DST: variants seen among roughly 807,000 people sequenced by gnomAD.
DST encodes the protein dystonin.
DST carries 253 observed loss-of-function variants against 875.2 expected under a neutral mutation model. The observed-to-expected ratio is 0.29, with a 90% CI of 0.26 to 0.32. The LOEUF (loss-of-function observed/expected upper bound fraction) is 0.32, where lower values mean the gene tolerates loss of function less well. DST is among the 10% of genes least tolerant of loss of function. The pLI, the probability that DST is intolerant of heterozygous loss-of-function variation, is 1.00. For synonymous variants in DST, 3,124 were observed against 3,197.1 expected (o/e 0.98, Z 0.77); for missense variants, 8,287 against 9,111.6 (o/e 0.91, Z 3.68).
intron 29 of DST, 90 bp from the exon 30 acceptor site, chr6:56,631,479 TA>T: frequency 9.9e-7 from 1 of 1,011,828 alleles, no homozygotes; most frequent in East Asian, 2.5e-5. Flanking sequence ...CATTTCACAT[TA>T]AGAACCAATG....
chr6:56,899,625 C>CT (rs1198366676), intron 3 of DST, among the ~76,000 whole-genome samples: 3 of 152,162 alleles, frequency 2.0e-5, no homozygotes, highest in African/African-American at 4.8e-5. Flanking sequence ...CATACAGACA[C>CT]TTTTTTCTAA....
At position 56,477,503 on chromosome 6, in the gene DST, A is replaced by C. The variant is rs1193465488; in HGVS notation, c.21532-15T>G. 1 of 1,613,864 alleles carries C rather than the reference A, an allele frequency of 6.2e-7. No individual in the cohort carries two copies. Among genetic ancestry groups the C allele is most frequent in the Admixed American group, 1.7e-5 (1 of 60,008 alleles). ...TTCATGAATTCCTACAGCAGAAACA[A>C]AGACTTCAATTAACTGTTGGCATTG... is the stretch of plus-strand genomic sequence containing the variant. On this transcript the variant is annotated splice_polypyrimidine_tract_variant and intron_variant, in intron 90 of 103. Coordinates refer to ENST00000680361, the MANE Select transcript of DST (RefSeq NM_001374736.1).
intron 36 of DST, chr6:56,618,864 G>T (rs2098657147): frequency 6.2e-7 from 1 of 1,614,002 alleles, no homozygotes; most frequent in African/African-American, 1.3e-5. Context: ...GTCTTTAAGT[G>T]TAATTCGTCT....
rs555838559 is a variant in DST, at chr6:56,720,977, C to T, written c.687+14251G>A. On this transcript the variant is annotated intron_variant, in intron 5 of 103. Transcript: ENST00000680361. ...CCCAGACGGGGCAGCCGGGCAGAGG[C>T]GCCCCCCGCCACCTTCCAGACGGGG... Among the ~76,000 whole-genome samples the T allele has an allele frequency of 6.6e-3, 1,003 of 151,596 alleles. 6 individuals carry two copies. Among genetic ancestry groups the T allele is most frequent in the African/African-American group, 0.022 (900 of 41,370 alleles).
chr6:56,486,677 C>T (rs939883885), intron 87 of DST, among the ~76,000 whole-genome samples: 4 of 152,002 alleles, frequency 2.6e-5, no homozygotes, highest in Non-Finnish European at 5.9e-5. Context: ...GTACCTTGCA[C>T]GTCACATTAA....
At chr6:56,848,661 GCCC>G (rs1465651747) in intron 4 of DST, among the ~76,000 whole-genome samples, 2 of 151,996 alleles carry the variant, frequency 1.3e-5, no homozygotes, top group African/African-American at 2.4e-5. Flanking sequence ...TTATGGACTG[GCCC>G]CCCAAGTCTA....
At chr6:56,709,421 T>C (rs71564849) in intron 5 of DST, among the ~76,000 whole-genome samples, 21,604 of 152,244 alleles carry the variant, frequency 0.14, 2,099 homozygotes, top group Non-Finnish European at 0.22. Flanking sequence ...TTTGTTAACC[T>C]ATAACTGTTT....
At chr6:56,561,115 C>T (rs2152566378) in intron 57 of DST, among the ~76,000 whole-genome samples, 193 bp downstream of exon 57, 1 of 151,836 alleles carries the variant, frequency 6.6e-6, no homozygotes, top group Middle Eastern at 3.4e-3. Flanking sequence ...ATGGCTGTGC[C>T]AAAAATTTAA....
intron 4 of DST, among the ~76,000 whole-genome samples, chr6:56,775,526 C>T (rs375198027): frequency 9.2e-5 from 14 of 152,068 alleles, no homozygotes; most frequent in African/African-American, 3.1e-4. Context: ...AAAGGCCCAG[C>T]GCTTAGATAT....
In DST at chr6:56,614,922, C is replaced by G. The variant is rs145471325; in HGVS notation, c.4930-438G>C. On this transcript the variant is annotated intron_variant, in intron 36 of 103. Transcript: ENST00000680361. The stretch of plus-strand genomic sequence containing the variant: ...CAGAATGAAGAAAATCCTTCCCCTC[C>G]TCCAACACATAATATTCATAATGTT... The G allele has an allele frequency of 2.7e-4, 267 of 991,360 alleles. 1 individual carries two copies. The East Asian group carries it at 0.018, about 67-fold the overall frequency. The allele number at this position is 991,360 out of a possible 1,614,324, so 61.4% of individuals were successfully genotyped here.
chr6:56,694,152 T>C (rs1483637082), intron 9 of DST, among the ~76,000 whole-genome samples: 2 of 149,462 alleles, frequency 1.3e-5, no homozygotes, highest in Non-Finnish European at 3.0e-5. Flanking sequence ...GGAAAAATAA[T>C]GAATCAGTAT....
At chr6:56,682,262 C>T (rs958287429) in intron 9 of DST, among the ~76,000 whole-genome samples, 4 of 151,968 alleles carry the variant, frequency 2.6e-5, no homozygotes, top group Admixed American at 1.3e-4. Flanking sequence ...AGTGTTGATC[C>T]CCCAGGCTCA....
At chr6:56,540,068 C>T (rs946101902) in intron 61 of DST, among the ~76,000 whole-genome samples, 1 of 152,186 alleles carries the variant, frequency 6.6e-6, no homozygotes, top group Non-Finnish European at 1.5e-5. Flanking sequence ...CTGGGAATAT[C>T]AATTCTTCTC....
chr6:56,629,442 T>C lies in DST; in HGVS notation c.4283A>G (p.Gln1428Arg). ...CTTTTCATCTACTTCAGATCTCCAT[T>C]GCTAAAATACATTAATTGGTAAAAG... ...NIENLISTLKQWRSEVDEKRQ... is the reference protein window; with the variant it reads ...NIENLISTLKRWRSEVDEKRQ... The change falls in exon 32 of 104, where the codon CAA becomes CGA. Residue 1428 changes from glutamine to arginine, a missense_variant and splice_region_variant. Around this residue, in one of 10 missense-constraint regions of DST, gnomAD observed 3,138 missense variants for 3,116.6 expected, o/e 1.01. Transcript: ENST00000680361. 6.2e-7 allele frequency: 1 copy of C among 1,610,332 alleles called. No homozygotes were observed. Among genetic ancestry groups the C allele is most frequent in the Non-Finnish European group, 8.5e-7 (1 of 1,176,914 alleles).
chr6:56,712,090 C>CAAAAAAAAAAAAA (rs34769867), intron 5 of DST, among the ~76,000 whole-genome samples: 7 of 76,556 alleles, frequency 9.1e-5, no homozygotes, highest in African/African-American at 1.5e-4. Flanking sequence ...GACTCCGTCT[C>CAAAAAAAAAAAAA]AAAAAAAAAA....
chr6:56,954,309 A>G (rs1262756542), intron 1 of DST, 98 bp downstream of exon 1: 1 of 929,586 alleles, frequency 1.1e-6, no homozygotes, highest in African/African-American at 1.7e-5. Context: ...TGATGGGGCT[A>G]GGGGCAGCCG....
chr6:56,663,647 A>G (rs2099056557), intron 10 of DST, among the ~76,000 whole-genome samples: 1 of 152,228 alleles, frequency 6.6e-6, no homozygotes, highest in Admixed American at 6.5e-5. Context: ...AGGTCATGCT[A>G]TTAAACAAGA....
intron 5 of DST, among the ~76,000 whole-genome samples, chr6:56,719,550 T>C (rs973717509): frequency 1.3e-5 from 2 of 152,276 alleles, no homozygotes; most frequent in Non-Finnish European, 2.9e-5. Flanking sequence ...ACTGAACTGT[T>C]ATTTGAAAGT....
chr6:56,602,132 G>A (rs2098451524), intron 43 of DST: 1 of 245,226 alleles, frequency 4.1e-6, no homozygotes, highest in Non-Finnish European at 8.1e-6. Flanking sequence ...TGACTCTCAG[G>A]CCAGAAGCCT....
Sources: allele counts gnomAD v4.1 joint callset (sites outside exome capture counted in the v4.1 genomes callset), GRCh38; gene constraint gnomAD v4.1.1; regional missense constraint gnomAD v4.1.1; transcripts MANE v1.5; gene names NCBI Gene and HGNC (gene_info 2026-07-23, HGNC 2026-07-21).